The following CNTN4 variants were observed in gnomAD, a reference collection of about 807,000 sequenced individuals.
CNTN4 encodes the protein contactin-4.
CNTN4 carries 77 observed loss-of-function variants against 122.5 expected under a neutral mutation model. The ratio of observed to expected loss-of-function variants is 0.63; its 90% CI spans 0.52 to 0.76. The LOEUF (loss-of-function observed/expected upper bound fraction) is 0.76, where lower values mean the gene tolerates loss of function less well. CNTN4 is among the 30% of genes least tolerant of loss of function. CNTN4 has a pLI of 0.00. For synonymous variants in CNTN4, 512 were observed against 447.0 expected, an observed-to-expected ratio of 1.15 and a Z score of -1.83; for missense variants, 1,256 against 1,259.1, an observed-to-expected ratio of 1.00 and a Z score of 0.04.
intron 2 of CNTN4, among the ~76,000 whole-genome samples, chr3:2,130,777 T>C (rs1466164827): frequency 6.6e-6 from 1 of 152,212 alleles, no homozygotes; most frequent in Non-Finnish European, 1.5e-5. Flanking sequence ...TATAGTCTCT[T>C]ATCTGAAGCC....
At chr3:2,184,774 A>G (rs867778071) in intron 2 of CNTN4, among the ~76,000 whole-genome samples, 7 of 152,138 alleles carry the variant, frequency 4.6e-5, no homozygotes, top group Admixed American at 3.9e-4. Context: ...TTCACTAGAC[A>G]CTGAACCTGC....
chr3:2,846,540 G>C (rs906943779), intron 7 of CNTN4, among the ~76,000 whole-genome samples: 3 of 152,064 alleles, frequency 2.0e-5, no homozygotes, highest in African/African-American at 7.2e-5. Context: ...TAAAACACTG[G>C]TTATTTCCCA....
intron 2 of CNTN4, among the ~76,000 whole-genome samples, chr3:2,252,231 A>T (rs1296281160): frequency 2.6e-5 from 4 of 151,996 alleles, no homozygotes; most frequent in Admixed American, 2.6e-4. Flanking sequence ...ACTCTTGATA[A>T]AGTTTTTTAT....
chr3:2,379,783 G>A (rs910002428), intron 3 of CNTN4, among the ~76,000 whole-genome samples: 8 of 152,036 alleles, frequency 5.3e-5, no homozygotes, highest in Admixed American at 1.3e-4. Context: ...GGCCGGGCGC[G>A]GTGGCTCACG....
chr3:2,621,102 C>T (rs772689956), intron 4 of CNTN4, among the ~76,000 whole-genome samples: 6 of 152,088 alleles, frequency 3.9e-5, no homozygotes, highest in Non-Finnish European at 7.3e-5. Context: ...TTAGACAGGT[C>T]CTGCAAAAAT....
intron 2 of CNTN4, among the ~76,000 whole-genome samples, chr3:2,221,390 A>G (rs1263564555): frequency 6.6e-6 from 1 of 152,042 alleles, no homozygotes; most frequent in South Asian, 2.1e-4. Context: ...CACACCATAT[A>G]CAAATACTAA....
At chr3:2,262,754 G>T (rs1466397578) in intron 2 of CNTN4, among the ~76,000 whole-genome samples, 1 of 151,786 alleles carries the variant, frequency 6.6e-6, no homozygotes, top group Non-Finnish European at 1.5e-5. Context: ...AGACTTGGCT[G>T]CAAGAAACAG....
chr3:2,775,830 C>T (rs986905573), intron 6 of CNTN4, among the ~76,000 whole-genome samples: 4 of 152,090 alleles, frequency 2.6e-5, no homozygotes, highest in African/African-American at 9.7e-5. Context: ...CTGTCTTCTT[C>T]ACTACAATAT....
intron 4 of CNTN4, among the ~76,000 whole-genome samples, chr3:2,688,907 T>G (rs2085578018): frequency 6.6e-6 from 1 of 152,108 alleles, no homozygotes; most frequent in Non-Finnish European, 1.5e-5. Flanking sequence ...CTAGGAACCA[T>G]TAAGCTACAG....
chr3:3,047,156 A>G (rs1167993310), intron 23 of CNTN4, among the ~76,000 whole-genome samples: 1 of 151,938 alleles, frequency 6.6e-6, no homozygotes, highest in African/African-American at 2.4e-5. Flanking sequence ...AAAGAGACTT[A>G]GACTCCCACA....
chr3:2,969,146 G>A (rs1024018654), intron 13 of CNTN4, among the ~76,000 whole-genome samples: 1 of 152,152 alleles, frequency 6.6e-6, no homozygotes, highest in South Asian at 2.1e-4. Context: ...AGGGTTTGCT[G>A]TATGTGCTAA....
At chr3:2,142,753 G>C (rs2035061011) in intron 2 of CNTN4, among the ~76,000 whole-genome samples, 1 of 152,188 alleles carries the variant, frequency 6.6e-6, no homozygotes, top group African/African-American at 2.4e-5. Flanking sequence ...GGAGGAGAGG[G>C]GGCTGGAGGA....
intron 2 of CNTN4, among the ~76,000 whole-genome samples, chr3:2,217,966 A>G (rs188349186): frequency 5.9e-5 from 9 of 152,222 alleles, no homozygotes; most frequent in Admixed American, 1.3e-4. Context: ...GGAGTCAAGT[A>G]ACAGATAAAT....
At chr3:2,626,944 A>G (rs527465420) in intron 4 of CNTN4, among the ~76,000 whole-genome samples, 1 of 152,196 alleles carries the variant, frequency 6.6e-6, no homozygotes, top group Non-Finnish European at 1.5e-5. Flanking sequence ...TCTGTGTTTC[A>G]TTTTATAATC....
intron 2 of CNTN4, among the ~76,000 whole-genome samples, chr3:2,294,723 A>T (rs1388517780): frequency 6.6e-6 from 1 of 152,182 alleles, no homozygotes; most frequent in Non-Finnish European, 1.5e-5. Flanking sequence ...CATGTGCACA[A>T]CGTGCAGGTT....
At chr3:2,886,361 C>A (rs1415345093) in intron 9 of CNTN4, among the ~76,000 whole-genome samples, 3 of 146,492 alleles carry the variant, frequency 2.0e-5, no homozygotes, top group Non-Finnish European at 3.0e-5. Flanking sequence ...TGCGCCACTG[C>A]AATCCAGCCT....
At position 2,966,237 on chromosome 3, in the gene CNTN4, T is replaced by G. The variant is rs150335465; in HGVS notation, c.1359-22108T>G. On this transcript the variant is annotated intron_variant, in intron 13 of 24. Transcript: ENST00000418658. ...CGGGAATCTCAATTTTTCAGTTAAC[T>G]TTATTTTTTTTTACAGTTGATAGCT... Among the ~76,000 whole-genome samples the G allele has an allele frequency of 2.3e-3, 355 of 152,296 alleles. 1 individual carries two copies. The highest frequency in any genetic ancestry group is 0.012 in the East Asian group (63 of 5,186).
chr3:2,193,164 A>C (rs1040473697), intron 2 of CNTN4, among the ~76,000 whole-genome samples: 1 of 152,216 alleles, frequency 6.6e-6, no homozygotes, highest in African/African-American at 2.4e-5. Flanking sequence ...GAGAAAACTT[A>C]GACTTCAAGC....
chr3:2,459,484 C>G (rs1400128159), intron 3 of CNTN4, among the ~76,000 whole-genome samples: 3 of 151,972 alleles, frequency 2.0e-5, no homozygotes, highest in African/African-American at 7.3e-5. Context: ...AGCGCATCTC[C>G]AAAGCAAAAT....
Sources: gnomAD v4.1 joint callset for allele counts (sites outside exome capture counted in the v4.1 genomes callset) on GRCh38, gnomAD v4.1.1 for gene constraint, MANE v1.5 for transcripts, NCBI Gene and HGNC (gene_info 2026-07-23, HGNC 2026-07-21) for gene names.